GIMAP5: variants seen among roughly 807,000 people sequenced by gnomAD.
The protein encoded by GIMAP5 is GTPase IMAP family member 5.
GIMAP5 carries 8 observed loss-of-function variants against 9.9 expected under a neutral mutation model. That is an observed-to-expected ratio of 0.81 (90% CI 0.47 to 1.45). GIMAP5 has a LOEUF of 1.45. Among genes scored for constraint, GIMAP5 ranks in the 40% most tolerant of loss-of-function variants. The pLI is 0.00. For synonymous variants in GIMAP5, 174 were observed against 151.4 expected (o/e 1.15, Z -1.09); for missense variants, 353 against 367.4 (o/e 0.96, Z 0.32).
chr7:150,738,586 C>A (rs1797550445), intron 1 of GIMAP5: 3 of 152,176 alleles, frequency 2.0e-5, no homozygotes, highest in Non-Finnish European at 2.9e-5. Context: ...TTTGCTTCAC[C>A]CTTTTCCCTG....
chr7:150,741,052 C>A, intron 2 of GIMAP5, 125 bp downstream of exon 2: 1 of 883,322 alleles, frequency 1.1e-6, no homozygotes, highest in Non-Finnish European at 1.8e-6. Context: ...AAGATAAAGG[C>A]AACTATCATC....
rs1307627293 is a variant in GIMAP5 at position 150,737,713 on chromosome 7, G to T, written c.-7+5G>T. On this transcript the variant is annotated splice_donor_5th_base_variant and intron_variant, in intron 1 of 2. Coordinates refer to ENST00000358647, the MANE Select transcript of GIMAP5 (RefSeq NM_018384.5). ...AGGGCACAACAACCGTTTCTGGTAA[G>T]GAGAACTGGGTTTATGCTCACAGAG... The T allele has an allele frequency of 1.4e-5, 21 of 1,534,020 alleles. No homozygotes were observed. The highest frequency in any genetic ancestry group is 1.8e-5 in the Non-Finnish European group (21 of 1,145,694).
At position 150,737,509 on chromosome 7, in the gene GIMAP5, G is replaced by C; in HGVS notation, c.-206G>C. The C allele has an allele frequency of 6.5e-7, 1 of 1,535,446 alleles. No individual in the cohort carries two copies. Among genetic ancestry groups the C allele is most frequent in the Non-Finnish European group, 8.7e-7 (1 of 1,146,736 alleles). Reference sequence around the variant, plus strand: ...TCTACTTTTCTTTTTGTGCAGCTGAGTCATGGAGCTTTCAGCCCCAGCACA... The same window carrying C: ...TCTACTTTTCTTTTTGTGCAGCTGACTCATGGAGCTTTCAGCCCCAGCACA... On this transcript the variant is annotated 5_prime_UTR_variant, in exon 1 of 3. Transcript: ENST00000358647.
Position 150,742,724 on chromosome 7 carries a change from G to A in GIMAP5, c.585G>A (p.Glu195=). ...TCAACAACTGGGGCTCTGTGGAGGA[G>A]CAGAGGCAGCAGCAGGCAGAGCTCC... ...CAFNNWGSVE[E]QRQQQAELLA... The change falls in exon 3 of 3, where the codon GAG becomes GAA. Residue 195 remains glutamate, a synonymous_variant. Coordinates refer to ENST00000358647, the MANE Select transcript of GIMAP5 (RefSeq NM_018384.5). The A allele has an allele frequency of 6.2e-7, 1 of 1,614,196 alleles. No homozygotes were observed. Among genetic ancestry groups the A allele is most frequent in the Non-Finnish European group, 8.5e-7 (1 of 1,180,024 alleles).
rs1478002016 is a variant in GIMAP5 at position 150,742,256 on chromosome 7, G to A, written c.117G>A (p.Gly39=). 6.2e-7 allele frequency: 1 copy of A among 1,614,212 alleles called. No individual in the cohort carries two copies. The change falls in exon 3 of 3, where the codon GGG becomes GGA. Residue 39 remains glycine, a synonymous_variant. Coordinates refer to ENST00000358647, the MANE Select transcript of GIMAP5 (RefSeq NM_018384.5). ...RIILVGKTGC[G]KSATGNSILG... ...TCCTAGTGGGCAAAACAGGCTGCGG[G>A]AAAAGTGCCACAGGGAACAGCATCC...
intron 1 of GIMAP5, chr7:150,740,639 G>C (rs1797580625): frequency 1.5e-5 from 6 of 404,106 alleles, no homozygotes; most frequent in Non-Finnish European, 2.7e-5. Context: ...CTGATTTTCT[G>C]TAAGTTGAGG....
chr7:150,739,938 G>T (rs1225681444), intron 1 of GIMAP5: 1 of 152,146 alleles, frequency 6.6e-6, no homozygotes, highest in African/African-American at 2.4e-5. Flanking sequence ...AATAAACCAT[G>T]AAAACTGTTT....
chr7:150,737,620 T>C lies in GIMAP5; in HGVS notation c.-95T>C. 1.3e-6 allele frequency: 2 copies of C among 1,535,684 alleles called. No homozygotes were observed. Among genetic ancestry groups the C allele is most frequent in the East Asian group, 4.9e-5 (2 of 40,910 alleles). On this transcript the variant is annotated 5_prime_UTR_variant, in exon 1 of 3. Transcript: ENST00000358647. Reference sequence around the variant, plus strand: ...CACAGACGCAGAGCAGGACTCTCTCTGCTGCCACTTCACCTTCCTGAGAGA... The same window carrying C: ...CACAGACGCAGAGCAGGACTCTCTCCGCTGCCACTTCACCTTCCTGAGAGA...
rs142904370 is a variant in GIMAP5 at position 150,743,409 on chromosome 7, C to T, written c.*346C>T. The stretch of plus-strand genomic sequence containing the variant: ...CCTCCCTGGCATTGTGGGGTCTGGG[C>T]GTGACACTGGGACTCTCAGCAGCTT... On this transcript the variant is annotated 3_prime_UTR_variant, in exon 3 of 3. Transcript: ENST00000358647. 7.7e-4 allele frequency: 181 copies of T among 235,370 alleles called. No individual in the cohort carries two copies. Among genetic ancestry groups the T allele is most frequent in the Non-Finnish European group, 1.2e-3 (148 of 118,970 alleles). The allele number at this position is 235,370 out of a possible 1,614,324, so 14.6% of individuals were successfully genotyped here.
Position 150,737,503 on chromosome 7 carries a change from AG to A in GIMAP5, c.-211del. On this transcript the variant is annotated 5_prime_UTR_variant, in exon 1 of 3. Coordinates refer to ENST00000358647, the MANE Select transcript of GIMAP5 (RefSeq NM_018384.5). Reference sequence around the variant, plus strand: ...ATAATCTCTACTTTTCTTTTTGTGCAGCTGAGTCATGGAGCTTTCAGCCCCA... The same window carrying A: ...ATAATCTCTACTTTTCTTTTTGTGCACTGAGTCATGGAGCTTTCAGCCCCA... 1 of 1,535,040 alleles carries A rather than the reference AG, an allele frequency of 6.5e-7. No individual in the cohort carries two copies. Among genetic ancestry groups the A allele is most frequent in the Non-Finnish European group, 8.7e-7 (1 of 1,146,384 alleles).
intron 2 of GIMAP5, among the ~76,000 whole-genome samples, chr7:150,741,610 A>G (rs1797595907): frequency 6.6e-6 from 1 of 152,094 alleles, no homozygotes; most frequent in Admixed American, 6.5e-5. Context: ...ACTACAACCT[A>G]TGTCATCTCA....
intron 2 of GIMAP5, 88 bp downstream of exon 2, chr7:150,741,015 G>T: frequency 7.2e-7 from 1 of 1,387,774 alleles, no homozygotes; most frequent in Non-Finnish European, 1.0e-6. Context: ...AAACACAGTG[G>T]CAGAAACCCA....
At position 150,743,639 on chromosome 7, in the gene GIMAP5, T is replaced by A. The variant is rs1797638504; in HGVS notation, c.*576T>A. 1 of 152,372 alleles carries A rather than the reference T, an allele frequency of 6.6e-6. No individual in the cohort carries two copies. The highest frequency in any genetic ancestry group is 2.4e-5 in the African/African-American group (1 of 41,444). The allele number at this position is 152,372 out of a possible 1,614,324, so 9.4% of individuals were successfully genotyped here. A position where few individuals can be genotyped will look rare whatever the true frequency, so the allele number is the denominator to read the frequency against. The stretch of plus-strand genomic sequence containing the variant: ...TAAAACATTCAAAGTAATAAAAATT[T>A]CTCCACATTCCTTTTTATCCTTTAA... On this transcript the variant is annotated 3_prime_UTR_variant, in exon 3 of 3. Transcript: ENST00000358647.
In GIMAP5 at chr7:150,740,798, T is replaced by C. The variant is rs537012030; in HGVS notation, c.-6-81T>C. On this transcript the variant is annotated intron_variant, in intron 1 of 2. Transcript: ENST00000358647. The stretch of plus-strand genomic sequence containing the variant: ...TCATTTGAGAATGATTATTCTTAGA[T>C]GTCTGAATTGAGGTGCCCTCAGGCT... 3.8e-6 allele frequency: 5 copies of C among 1,304,410 alleles called. No homozygotes were observed. The African/African-American group carries it at 7.3e-5, about 19-fold the overall frequency. The allele number at this position is 1,304,410 out of a possible 1,614,324, so 80.8% of individuals were successfully genotyped here.
intron 2 of GIMAP5, among the ~76,000 whole-genome samples, chr7:150,741,459 A>G (rs1393646866): frequency 6.6e-6 from 1 of 152,074 alleles, no homozygotes; most frequent in Non-Finnish European, 1.5e-5. Context: ...ACCCTCTCCA[A>G]CACCACTTCT....
intron 1 of GIMAP5, 88 bp downstream of exon 1, chr7:150,737,796 T>C (rs1797537813): frequency 9.3e-7 from 1 of 1,076,150 alleles, no homozygotes; most frequent in Non-Finnish European, 1.3e-6. Context: ...TGACATGACC[T>C]TGCACAGATC....
At chr7:150,738,013 C>G in intron 1 of GIMAP5, 2 of 418,846 alleles carry the variant, frequency 4.8e-6, no homozygotes, top group East Asian at 9.9e-5. Flanking sequence ...TAAGGCTGAA[C>G]TGATCCTCTC....
intron 2 of GIMAP5, among the ~76,000 whole-genome samples, chr7:150,741,280 A>G (rs1280384869): frequency 6.6e-6 from 1 of 152,116 alleles, no homozygotes; most frequent in African/African-American, 2.4e-5. Context: ...TGTGCTTGCT[A>G]CAAAACACCA....
intron 1 of GIMAP5, 158 bp downstream of exon 1, chr7:150,737,866 A>G (rs946705905): frequency 1.6e-6 from 1 of 635,706 alleles, no homozygotes; most frequent in Admixed American, 2.6e-5. Context: ...TGTTGCGGGC[A>G]TCAGCAGGTG....
Sources: gnomAD v4.1 joint callset for allele counts (sites outside exome capture counted in the v4.1 genomes callset) on GRCh38, gnomAD v4.1.1 for gene constraint, MANE v1.5 for transcripts, NCBI Gene and HGNC (gene_info 2026-07-23, HGNC 2026-07-21) for gene names.